The following SLC39A11 variants were observed in gnomAD, a reference collection of about 807,000 sequenced individuals.
The protein encoded by SLC39A11 is zinc transporter ZIP11.
SLC39A11 carries 33 observed loss-of-function variants against 36.1 expected under a neutral mutation model. The observed-to-expected ratio is 0.91, with a 90% CI of 0.69 to 1.22. SLC39A11 has a LOEUF of 1.22. SLC39A11 is among the 50% of genes most tolerant of loss of function. The pLI is 0.00. For synonymous variants in SLC39A11, 166 were observed against 170.3 expected (o/e 0.97, Z 0.20); for missense variants, 432 against 430.3 (o/e 1.00, Z -0.03).
At position 73,006,776 on chromosome 17, in the gene SLC39A11, C is replaced by T. The variant is rs147362378; in HGVS notation, c.306+24780G>A. ...ATCTGTCATCACACTGCAGACAGTACGTGATTGAGTCTCCTTTCCACCCAA... is the reference window on the plus strand; with the variant it reads ...ATCTGTCATCACACTGCAGACAGTATGTGATTGAGTCTCCTTTCCACCCAA... On this transcript the variant is annotated intron_variant, in intron 4 of 9. Transcript: ENST00000255559. Among the ~76,000 whole-genome samples, 10 of 152,168 alleles carry T rather than the reference C, an allele frequency of 6.6e-5. No homozygotes were observed. In the East Asian group the frequency reaches 1.7e-3, roughly 26 times the overall value.
At position 72,761,621 on chromosome 17, in the gene SLC39A11, A is replaced by C. The variant is rs569711547; in HGVS notation, c.602-24902T>G. On this transcript the variant is annotated intron_variant, in intron 6 of 9. Coordinates refer to ENST00000255559, the MANE Select transcript of SLC39A11 (RefSeq NM_139177.4). ...AATGTCTGCATTTGAAAGATAAGAA[A>C]GCTTGATCCCTGAGAGGCTAAGCAA... Among the ~76,000 whole-genome samples, 29 of 152,332 alleles carry C rather than the reference A, an allele frequency of 1.9e-4. No homozygotes were observed. In the South Asian group the frequency reaches 5.4e-3, roughly 28 times the overall value.
chr17:72,651,562 C>T (rs1339373043), intron 7 of SLC39A11, among the ~76,000 whole-genome samples: 1 of 152,152 alleles, frequency 6.6e-6, no homozygotes, highest in Non-Finnish European at 1.5e-5. Flanking sequence ...GAATAGTGAG[C>T]ACCCCGTGGC....
intron 3 of SLC39A11, among the ~76,000 whole-genome samples, chr17:73,070,482 C>T (rs567285801): frequency 1.6e-4 from 24 of 152,158 alleles, no homozygotes; most frequent in Non-Finnish European, 3.4e-4. Context: ...GAATTCTTAG[C>T]CTCAAAGTTA....
At chr17:72,915,292 A>G (rs907725445) in intron 5 of SLC39A11, among the ~76,000 whole-genome samples, 4 of 152,100 alleles carry the variant, frequency 2.6e-5, no homozygotes, top group East Asian at 1.9e-4. Context: ...ACCCAGGCCC[A>G]GGTACCAGTC....
At chr17:73,029,075 G>A (rs187522255) in intron 4 of SLC39A11, among the ~76,000 whole-genome samples, 130 of 149,788 alleles carry the variant, frequency 8.7e-4, no homozygotes, top group South Asian at 2.1e-3. Flanking sequence ...CCAAGATCAC[G>A]CCATTGCACT....
At position 72,947,379 on chromosome 17, in the gene SLC39A11, A is replaced by G. The variant is rs1206889337; in HGVS notation, c.430+373T>C. ...TCAAAAAGATGTAAATTACAACACAAATGAAAAGGAGTATTCAGGGTTCAT... is the reference window on the plus strand; with the variant it reads ...TCAAAAAGATGTAAATTACAACACAGATGAAAAGGAGTATTCAGGGTTCAT... On this transcript the variant is annotated intron_variant, in intron 5 of 9. Coordinates refer to ENST00000255559, the MANE Select transcript of SLC39A11 (RefSeq NM_139177.4). 36 of 203,730 alleles carry G rather than the reference A, an allele frequency of 1.8e-4. No individual in the cohort carries two copies. The Admixed American group carries it at 1.9e-3, about 11-fold the overall frequency. The allele number at this position is 203,730 out of a possible 1,614,324, so 12.6% of individuals were successfully genotyped here. A position where few individuals can be genotyped will look rare whatever the true frequency, so the allele number is the denominator to read the frequency against.
chr17:72,885,821 C>T (rs755524062), intron 5 of SLC39A11, among the ~76,000 whole-genome samples: 2 of 152,092 alleles, frequency 1.3e-5, no homozygotes, highest in Non-Finnish European at 2.9e-5. Flanking sequence ...TACTTAATGC[C>T]GACTCTCCAT....
At chr17:72,848,228 T>A (rs2079138910) in intron 6 of SLC39A11, among the ~76,000 whole-genome samples, 1 of 152,348 alleles carries the variant, frequency 6.6e-6, no homozygotes, top group East Asian at 1.9e-4. Flanking sequence ...TTCGTCAAGA[T>A]AACCTCCTTA....
chr17:72,958,656 G>C (rs1042945793), intron 4 of SLC39A11, among the ~76,000 whole-genome samples: 1 of 152,142 alleles, frequency 6.6e-6, no homozygotes, highest in African/African-American at 2.4e-5. Flanking sequence ...TTCGAGACCA[G>C]CCTGGCCAAC....
chr17:72,977,907 A>C (rs1426239834), intron 4 of SLC39A11, among the ~76,000 whole-genome samples: 1 of 152,232 alleles, frequency 6.6e-6, no homozygotes, highest in African/African-American at 2.4e-5. Context: ...GACCGACTGC[A>C]TCGGCACCTG....
intron 6 of SLC39A11, among the ~76,000 whole-genome samples, chr17:72,847,825 C>T: frequency 6.6e-6 from 1 of 152,154 alleles, no homozygotes; most frequent in Admixed American, 6.6e-5. Flanking sequence ...TCAACATCTG[C>T]AGAAGCTTTG....
intron 3 of SLC39A11, among the ~76,000 whole-genome samples, chr17:73,050,517 G>T (rs2143878105): frequency 6.7e-6 from 1 of 148,646 alleles, no homozygotes; most frequent in Non-Finnish European, 1.5e-5. Context: ...AGGCTGGAGT[G>T]CAGTGGCTCA....
At chr17:72,872,546 G>A (rs1415134235) in intron 5 of SLC39A11, among the ~76,000 whole-genome samples, 1 of 152,206 alleles carries the variant, frequency 6.6e-6, no homozygotes, top group African/African-American at 2.4e-5. Flanking sequence ...CGAAAATTAT[G>A]ACAGTGATAG....
chr17:72,776,386 C>T (rs566838002), intron 6 of SLC39A11, among the ~76,000 whole-genome samples: 14 of 152,190 alleles, frequency 9.2e-5, no homozygotes, highest in Non-Finnish European at 1.5e-4. Flanking sequence ...ATATTCTATA[C>T]ACTTTCCAGT....
At chr17:72,665,555 A>T (rs1021332103) in intron 7 of SLC39A11, among the ~76,000 whole-genome samples, 17 of 151,714 alleles carry the variant, frequency 1.1e-4, no homozygotes, top group Middle Eastern at 3.4e-3. Context: ...CTAATTTTTT[A>T]AAAATTACTT....
chr17:73,038,678 G>A (rs2059005059), intron 3 of SLC39A11, among the ~76,000 whole-genome samples: 1 of 150,484 alleles, frequency 6.6e-6, no homozygotes, highest in East Asian at 1.9e-4. Flanking sequence ...CTGCACTCTA[G>A]CCTGGGCGAC....
chr17:72,729,402 T>C (rs2074063819), intron 7 of SLC39A11, among the ~76,000 whole-genome samples: 1 of 46,508 alleles, frequency 2.2e-5, no homozygotes, highest in Non-Finnish European at 4.5e-5. Context: ...CCCACCTGGC[T>C]ATTTATATAT....
At chr17:72,858,978 G>T (rs551919670) in intron 5 of SLC39A11, among the ~76,000 whole-genome samples, 1 of 152,172 alleles carries the variant, frequency 6.6e-6, no homozygotes, top group Non-Finnish European at 1.5e-5. Flanking sequence ...CTATTTGGAT[G>T]CCCTGTATTT....
At position 72,741,470 on chromosome 17, in the gene SLC39A11, T is replaced by C. The variant is rs372132356; in HGVS notation, c.602-4751A>G. On this transcript the variant is annotated intron_variant, in intron 6 of 9. Coordinates refer to ENST00000255559, the MANE Select transcript of SLC39A11 (RefSeq NM_139177.4). ...TGTGTATTTTTACAGTAATCAATGATAGACTAGACTAGTATCGACACATAT... is the reference window on the plus strand; with the variant it reads ...TGTGTATTTTTACAGTAATCAATGACAGACTAGACTAGTATCGACACATAT... Among the ~76,000 whole-genome samples the C allele has an allele frequency of 8.5e-5, 13 of 152,336 alleles. No homozygotes were observed. The East Asian group carries it at 1.4e-3, about 16-fold the overall frequency.
Sources: allele counts gnomAD v4.1 joint callset (sites outside exome capture counted in the v4.1 genomes callset), GRCh38; gene constraint gnomAD v4.1.1; transcripts MANE v1.5; gene names NCBI Gene and HGNC (gene_info 2026-07-23, HGNC 2026-07-21).